PLPPR4: variants seen among roughly 807,000 people sequenced by gnomAD.
The protein encoded by PLPPR4 is phospholipid phosphatase-related protein type 4.
Under a neutral mutation model 56.6 loss-of-function variants are expected in PLPPR4, and 24 were observed. That is an observed-to-expected ratio of 0.42 (90% CI 0.31 to 0.60). PLPPR4 has a LOEUF of 0.60. PLPPR4 is among the 20% of genes least tolerant of loss of function. PLPPR4 has a pLI of 0.13. For missense variants in PLPPR4, 654 were observed against 885.8 expected (o/e 0.74, Z 3.32); for synonymous variants, 326 against 328.1 (o/e 0.99, Z 0.07).
intron 1 of PLPPR4, among the ~76,000 whole-genome samples, chr1:99,280,272 A>C (rs2100791907): frequency 6.6e-6 from 1 of 152,284 alleles, no homozygotes; most frequent in East Asian, 1.9e-4. Context: ...CAATTTATAT[A>C]ACCTATTTCT....
intron 1 of PLPPR4, among the ~76,000 whole-genome samples, chr1:99,271,524 G>C (rs1244426417): frequency 1.3e-5 from 2 of 152,188 alleles, no homozygotes; most frequent in Non-Finnish European, 2.9e-5. Flanking sequence ...ATGTCTGTTT[G>C]TGGCTCTGTC....
chr1:99,279,175 A>C (rs1383165951), intron 1 of PLPPR4, among the ~76,000 whole-genome samples: 1 of 152,148 alleles, frequency 6.6e-6, no homozygotes, highest in Non-Finnish European at 1.5e-5. Flanking sequence ...CTCTGCTCTC[A>C]AGGATCTTGT....
intron 1 of PLPPR4, among the ~76,000 whole-genome samples, chr1:99,269,498 A>G (rs1282346666): frequency 6.6e-6 from 1 of 152,252 alleles, no homozygotes; most frequent in Non-Finnish European, 1.5e-5. Context: ...TATGCAAAGA[A>G]TTACAGTGGT....
chr1:99,284,481 G>C (rs2100795362), intron 1 of PLPPR4, among the ~76,000 whole-genome samples: 1 of 151,966 alleles, frequency 6.6e-6, no homozygotes. Flanking sequence ...TAGAGATGGG[G>C]TTTCACCATG....
chr1:99,280,569 A>G (rs1388734823), intron 1 of PLPPR4, among the ~76,000 whole-genome samples: 1 of 152,200 alleles, frequency 6.6e-6, no homozygotes, highest in Admixed American at 6.5e-5. Flanking sequence ...AAGGGTTGGT[A>G]ATATGTAAAT....
Position 99,309,091 on chromosome 1 carries a change from G to C in PLPPR4, c.*2081G>C, listed in dbSNP as rs988603970. The C allele has an allele frequency of 6.6e-6, 1 of 152,392 alleles. No individual in the cohort carries two copies. The highest frequency in any genetic ancestry group is 1.5e-5 in the Non-Finnish European group (1 of 68,020). 9.4% of individuals were successfully genotyped at this position (152,392 alleles called of 1,614,324 possible). ...TTCTTTTTCTACTCAAAGTGCCAAA[G>C]GCTACAGTTTTTAATGACTTAACAA... On this transcript the variant is annotated 3_prime_UTR_variant, in exon 7 of 7. Transcript: ENST00000370185.
rs1660124538 is a variant in PLPPR4 at position 99,309,187 on chromosome 1, A to G, written c.*2177A>G. Reference sequence around the variant, plus strand: ...CAGACCTCTGCATGTATATTTGATAACATGTCTTTTGTAAAACAAAAATTA... The same window carrying G: ...CAGACCTCTGCATGTATATTTGATAGCATGTCTTTTGTAAAACAAAAATTA... On this transcript the variant is annotated 3_prime_UTR_variant, in exon 7 of 7. Transcript: ENST00000370185. 2 of 152,582 alleles carry G rather than the reference A, an allele frequency of 1.3e-5. No individual in the cohort carries two copies. Among genetic ancestry groups the G allele is most frequent in the Non-Finnish European group, 2.9e-5 (2 of 68,018 alleles). 9.5% of individuals were successfully genotyped at this position (152,582 alleles called of 1,614,324 possible). A position where few individuals can be genotyped will look rare whatever the true frequency, so the allele number is the denominator to read the frequency against.
intron 6 of PLPPR4, among the ~76,000 whole-genome samples, chr1:99,305,285 T>C (rs758051876): frequency 6.6e-6 from 1 of 152,142 alleles, no homozygotes; most frequent in Admixed American, 6.6e-5. Context: ...TGATTGAAAA[T>C]GGAAGGTAAA....
At position 99,296,852 on chromosome 1, in the gene PLPPR4, G is replaced by A. The variant is rs1659754160; in HGVS notation, c.379G>A (p.Ala127Thr). ...GCNFNSFLRR[A>T]VRFVGVHVFG... The stretch of plus-strand genomic sequence containing the variant: ...CAACTTCAATTCCTTCCTCAGACGA[G>A]CTGTCAGATTCGTTGGTGGGTGTGG... The change falls in exon 3 of 7, where the codon GCT (alanine) becomes ACT (threonine). Residue 127 changes from alanine to threonine, a missense_variant. Around this residue, in one of 2 missense-constraint regions of PLPPR4, gnomAD observed 186 missense variants for 331.4 expected, o/e 0.56. Coordinates refer to ENST00000370185, the MANE Select transcript of PLPPR4 (RefSeq NM_014839.5). 2.5e-6 allele frequency: 4 copies of A among 1,583,478 alleles called. No individual in the cohort carries two copies. Among genetic ancestry groups the A allele is most frequent in the African/African-American group, 1.3e-5 (1 of 74,382 alleles).
rs1015891333 is a variant in PLPPR4 at position 99,302,357 on chromosome 1, G to A, written c.822+460G>A. Among the ~76,000 whole-genome samples, 6 of 151,866 alleles carry A rather than the reference G, an allele frequency of 4.0e-5. No homozygotes were observed. In the South Asian group the frequency reaches 8.3e-4, roughly 21 times the overall value. On this transcript the variant is annotated intron_variant, in intron 6 of 6. Transcript: ENST00000370185. ...TTTTTCAAGCCTGGTCCCCCTCTAAGGGAAATATCCTCAGCATAAGGAAAC... is the reference window on the plus strand; with the variant it reads ...TTTTTCAAGCCTGGTCCCCCTCTAAAGGAAATATCCTCAGCATAAGGAAAC...
At chr1:99,286,035 A>C (rs1659454774) in intron 1 of PLPPR4, among the ~76,000 whole-genome samples, 1 of 152,232 alleles carries the variant, frequency 6.6e-6, no homozygotes, top group South Asian at 2.1e-4. Context: ...CACATGAATG[A>C]ATAAACAATT....
At chr1:99,281,625 A>G (rs1195854909) in intron 1 of PLPPR4, among the ~76,000 whole-genome samples, 5 of 152,176 alleles carry the variant, frequency 3.3e-5, no homozygotes, top group Non-Finnish European at 5.9e-5. Flanking sequence ...ACCACTAAAG[A>G]TCATACTGTA....
intron 3 of PLPPR4, 149 bp downstream of exon 3, chr1:99,297,016 A>T: frequency 1.2e-6 from 1 of 862,878 alleles, no homozygotes; most frequent in Non-Finnish European, 1.5e-6. Flanking sequence ...GAAACTGTTA[A>T]AACACCAAAA....
chr1:99,276,258 A>T (rs142778623), intron 1 of PLPPR4, among the ~76,000 whole-genome samples: 266 of 152,282 alleles, frequency 1.7e-3, no homozygotes, highest in Non-Finnish European at 2.8e-3. Flanking sequence ...GAAGCTTGTG[A>T]TATGCTAGAG....
intron 2 of PLPPR4, among the ~76,000 whole-genome samples, chr1:99,296,031 T>C (rs1006824188): frequency 6.6e-6 from 1 of 152,152 alleles, no homozygotes; most frequent in Non-Finnish European, 1.5e-5. Flanking sequence ...ATCTCACAGG[T>C]CCTAAAATCC....
Position 99,296,810 on chromosome 1 carries a change from A to G in PLPPR4, c.337A>G (p.Ile113Val), listed in dbSNP as rs754026678. 1 of 1,604,872 alleles carries G rather than the reference A, an allele frequency of 6.2e-7. No homozygotes were observed. The highest frequency in any genetic ancestry group is 1.1e-5 in the South Asian group (1 of 89,712). ...AAATGGGGTCGGACTAGAGCCCAAC[A>G]TTAATGCTGGAGGCTGCAACTTCAA... ...RRNGVGLEPNINAGGCNFNSF... is the reference protein window; with the variant it reads ...RRNGVGLEPNVNAGGCNFNSF... The change falls in exon 3 of 7, where the codon ATT (isoleucine) becomes GTT (valine). Residue 113 changes from isoleucine to valine, a missense_variant. This residue lies in a region of PLPPR4 where 186 missense variants were observed against 331.4 expected (regional missense o/e 0.56). Coordinates refer to ENST00000370185, the MANE Select transcript of PLPPR4 (RefSeq NM_014839.5).
intron 1 of PLPPR4, among the ~76,000 whole-genome samples, chr1:99,286,641 G>A (rs968083754): frequency 6.6e-6 from 1 of 152,116 alleles, no homozygotes; most frequent in Non-Finnish European, 1.5e-5. Context: ...GTAGTATAAA[G>A]AGCCAGAAAA....
intron 6 of PLPPR4, among the ~76,000 whole-genome samples, chr1:99,304,127 T>TCA (rs771326916): frequency 6.6e-6 from 1 of 152,226 alleles, no homozygotes; most frequent in Non-Finnish European, 1.5e-5. Flanking sequence ...CAGACATGTG[T>TCA]CACATAATGA....
rs1659751289 is a variant in PLPPR4 at position 99,296,725 on chromosome 1, T to C, written c.265-13T>C. 2 of 1,580,858 alleles carry C rather than the reference T, an allele frequency of 1.3e-6. No homozygotes were observed. Among genetic ancestry groups the C allele is most frequent in the Non-Finnish European group, 1.7e-6 (2 of 1,160,076 alleles). ...CAACATGCCTCTTCCTGAATACCCT[T>C]CTATCTTTGCAGATTATGGTAGGAG... is the stretch of plus-strand genomic sequence containing the variant. On this transcript the variant is annotated splice_polypyrimidine_tract_variant and intron_variant, in intron 2 of 6. Coordinates refer to ENST00000370185, the MANE Select transcript of PLPPR4 (RefSeq NM_014839.5).
Sources: allele counts gnomAD v4.1 joint callset (sites outside exome capture counted in the v4.1 genomes callset), GRCh38; gene constraint gnomAD v4.1.1; regional missense constraint gnomAD v4.1.1; transcripts MANE v1.5; gene names NCBI Gene and HGNC (gene_info 2026-07-23, HGNC 2026-07-21).